TJP1: variants seen among roughly 807,000 people sequenced by gnomAD.
TJP1 encodes the protein tight junction protein ZO-1.
In TJP1, 43 loss-of-function variants were observed where a neutral mutation model predicts 194.2. The observed-to-expected ratio is 0.22, with a 90% CI of 0.17 to 0.29. TJP1 has a LOEUF of 0.29. Among genes scored for constraint, TJP1 ranks in the 10% least tolerant of loss-of-function variants. TJP1 has a pLI of 1.00. For synonymous variants in TJP1, 801 were observed against 779.0 expected, an observed-to-expected ratio of 1.03 and a Z score of -0.47; for missense variants, 1,971 against 2,185.7, an observed-to-expected ratio of 0.90 and a Z score of 1.96.
chr15:29,895,871 A>T (rs2053459921), intron 2 of TJP1, among the ~76,000 whole-genome samples: 1 of 152,202 alleles, frequency 6.6e-6, no homozygotes, highest in Non-Finnish European at 1.5e-5. Context: ...ATTTCTCTGG[A>T]GGCTGAGAAG....
chr15:29,766,100 A>C (rs2046314256), intron 5 of TJP1, among the ~76,000 whole-genome samples, 166 bp downstream of exon 5: 3 of 152,206 alleles, frequency 2.0e-5, no homozygotes, highest in Non-Finnish European at 4.4e-5. Flanking sequence ...CAACGGAAAA[A>C]ATGAACAGTC....
intron 2 of TJP1, among the ~76,000 whole-genome samples, chr15:29,872,182 G>C (rs1399969274): frequency 6.6e-6 from 1 of 152,152 alleles, no homozygotes; most frequent in African/African-American, 2.4e-5. Flanking sequence ...AGTCAGCTCT[G>C]CTTGTTTTTT....
At chr15:29,833,879 A>ATTTTTTTT (rs1460129845) in intron 2 of TJP1, among the ~76,000 whole-genome samples, 1 of 13,788 alleles carries the variant, frequency 7.3e-5, no homozygotes, top group South Asian at 3.4e-3. Flanking sequence ...ATATATATAT[A>ATTTTTTTT]TATTTTTTTT....
At chr15:29,706,575 C>T (rs571963281) in intron 25 of TJP1, among the ~76,000 whole-genome samples, 4 of 152,282 alleles carry the variant, frequency 2.6e-5, no homozygotes, top group African/African-American at 9.6e-5. Flanking sequence ...TAAACAGGTA[C>T]AGAGTTTTAT....
chr15:29,965,813 T>C (rs2152326833), intron 1 of TJP1, among the ~76,000 whole-genome samples: 1 of 152,322 alleles, frequency 6.6e-6, no homozygotes, highest in South Asian at 2.1e-4. Context: ...AGCCACTCAC[T>C]CCAGAGTCTT....
rs1011308242 is a variant in TJP1 at position 29,766,608 on chromosome 15, A to C, written c.313-66T>G. On this transcript the variant is annotated intron_variant, in intron 4 of 27. Transcript: ENST00000614355. ...CATATATGTACGTTCAGTTCCAAAG[A>C]GAAAGGAATATTACACTTCTCATCC... The C allele has an allele frequency of 3.4e-6, 5 of 1,453,560 alleles. No homozygotes were observed. The African/African-American group carries it at 7.1e-5, about 21-fold the overall frequency. The allele number at this position is 1,453,560 out of a possible 1,614,324, so 90.0% of individuals were successfully genotyped here.
At chr15:29,816,079 C>T (rs1401011622) in intron 1 of TJP1, among the ~76,000 whole-genome samples, 1 of 151,556 alleles carries the variant, frequency 6.6e-6, no homozygotes, top group Non-Finnish European at 1.5e-5. Context: ...GGTGCTATCT[C>T]GACTCACTGC....
intron 2 of TJP1, among the ~76,000 whole-genome samples, chr15:29,794,136 G>C (rs555378638): frequency 6.6e-6 from 1 of 151,740 alleles, no homozygotes; most frequent in East Asian, 1.9e-4. Context: ...TTTTATTACT[G>C]CTTGCTCTGA....
At chr15:29,833,672 G>A (rs137949982) in intron 2 of TJP1, among the ~76,000 whole-genome samples, 2 of 151,506 alleles carry the variant, frequency 1.3e-5, no homozygotes, top group East Asian at 3.9e-4. Flanking sequence ...AGGATTACAG[G>A]TGTGAACCAC....
At position 29,908,936 on chromosome 15, in the gene TJP1, C is replaced by T. The variant is rs1450406743; in HGVS notation, c.306+47296G>A. On this transcript the variant is annotated intron_variant, in intron 2 of 28. Coordinates refer to the TJP1 transcript ENST00000356107. ...TTGGGAGGCCAAGGCGGGCGGATCA[C>T]GAGATCAGGAGATCGAGAACATCCC... Among the ~76,000 whole-genome samples, 8 of 152,122 alleles carry T rather than the reference C, an allele frequency of 5.3e-5. No homozygotes were observed. In the South Asian group the frequency reaches 8.3e-4, roughly 16 times the overall value.
chr15:29,746,537 G>C (rs2044795695), intron 8 of TJP1, among the ~76,000 whole-genome samples: 1 of 152,042 alleles, frequency 6.6e-6, no homozygotes, highest in African/African-American at 2.4e-5. Flanking sequence ...ACAAGCAACA[G>C]ATACCAAATA....
intron 2 of TJP1, among the ~76,000 whole-genome samples, chr15:29,842,353 T>A (rs2152068484): frequency 6.6e-6 from 1 of 152,342 alleles, no homozygotes; most frequent in African/African-American, 2.4e-5. Flanking sequence ...TTTACTCAAT[T>A]CTTCCATTAT....
chr15:29,845,927 G>A (rs1443366892), intron 2 of TJP1, among the ~76,000 whole-genome samples: 2 of 152,136 alleles, frequency 1.3e-5, no homozygotes, highest in Non-Finnish European at 2.9e-5. Context: ...CATTCACATG[G>A]ATTACCATGA....
rs149169343 is a variant in TJP1 at position 29,798,776 on chromosome 15, G to A, written c.84+1870C>T. 9.1e-4 allele frequency among the ~76,000 whole-genome samples: 139 copies of A among 152,282 alleles called. 1 individual carries two copies. The highest frequency in any genetic ancestry group is 1.8e-3 in the Non-Finnish European group (123 of 68,030). On this transcript the variant is annotated intron_variant, in intron 2 of 27. Transcript: ENST00000614355. Reference sequence around the variant, plus strand: ...TGCAAAACACAAATATACCACAACTGGAGAACGAACACACAATTATACATT... The same window carrying A: ...TGCAAAACACAAATATACCACAACTAGAGAACGAACACACAATTATACATT...
intron 2 of TJP1, among the ~76,000 whole-genome samples, chr15:29,798,674 A>ATTTC: frequency 6.6e-6 from 1 of 152,182 alleles, no homozygotes; most frequent in Non-Finnish European, 1.5e-5. Flanking sequence ...TTTCCTAAGT[A>ATTTC]TTTACCCAAA....
In TJP1 at chr15:29,850,904, G is replaced by A. The variant is rs555713704; in HGVS notation, c.307-50202C>T. On this transcript the variant is annotated intron_variant, in intron 2 of 28. Coordinates refer to the TJP1 transcript ENST00000356107. Reference sequence around the variant, plus strand: ...TGTAATCCTAGCACTTTGGGAGGCCGAGGTAGGTGAATCACTTGAGGCCAG... The same window carrying A: ...TGTAATCCTAGCACTTTGGGAGGCCAAGGTAGGTGAATCACTTGAGGCCAG... Among the ~76,000 whole-genome samples, 433 of 152,198 alleles carry A rather than the reference G, an allele frequency of 2.8e-3. 2 individuals are homozygous for A. The highest frequency in any genetic ancestry group is 0.027 in the Middle Eastern group (8 of 294).
chr15:29,731,315 T>C (rs1273711148), intron 15 of TJP1, among the ~76,000 whole-genome samples: 3 of 152,162 alleles, frequency 2.0e-5, no homozygotes, highest in Admixed American at 6.5e-5. Flanking sequence ...GAAAAACAAA[T>C]TTGTTTTTAT....
At chr15:29,706,030 C>G (rs1056133040) in intron 25 of TJP1, among the ~76,000 whole-genome samples, 1 of 152,182 alleles carries the variant, frequency 6.6e-6, no homozygotes, top group African/African-American at 2.4e-5. Flanking sequence ...CTCCCAGGTT[C>G]AAGTGATTTT....
At chr15:29,753,697 G>C (rs1286887256) in intron 8 of TJP1, among the ~76,000 whole-genome samples, 1 of 151,780 alleles carries the variant, frequency 6.6e-6, no homozygotes, top group African/African-American at 2.4e-5. Context: ...TGGTCACGGT[G>C]TAAGGTACAG....
Sources: gnomAD v4.1 joint callset for allele counts (sites outside exome capture counted in the v4.1 genomes callset) on GRCh38, gnomAD v4.1.1 for gene constraint, MANE v1.5 for transcripts, NCBI Gene and HGNC (gene_info 2026-07-23, HGNC 2026-07-21) for gene names.